The following MYO16 variants were observed in gnomAD, a reference collection of about 807,000 sequenced individuals.
The protein encoded by MYO16 is unconventional myosin-XVI.
Under a neutral mutation model 205.3 loss-of-function variants are expected in MYO16, and 94 were observed. The observed-to-expected ratio is 0.46, with a 90% CI of 0.39 to 0.54. MYO16 has a LOEUF of 0.54. Ranked by LOEUF, MYO16 falls within the 20% of genes least tolerant of loss-of-function variation. MYO16 has a pLI of 0.00. For synonymous variants in MYO16, 988 were observed against 954.0 expected (o/e 1.04, Z -0.66); for missense variants, 2,315 against 2,387.5 (o/e 0.97, Z 0.63).
At chr13:108,534,210 C>G in the MYO16 span, among the ~76,000 whole-genome samples, 7 of 152,208 alleles carry the variant, frequency 4.6e-5, no homozygotes, top group East Asian at 1.4e-3. Flanking sequence ...CAGAAGAAAG[C>G]CTTCAAACAA....
upstream of MYO16, among the ~76,000 whole-genome samples, chr13:108,595,660 A>G (rs989127481): frequency 3.9e-5 from 6 of 152,074 alleles, no homozygotes; most frequent in South Asian, 2.1e-4. Context: ...GAAAGCAAGG[A>G]CTTGGCCCTA....
intron 23 of MYO16, among the ~76,000 whole-genome samples, chr13:109,029,184 G>T (rs532251984): frequency 7.5e-6 from 1 of 133,372 alleles, no homozygotes; most frequent in East Asian, 2.3e-4. Context: ...ACACAATCTC[G>T]GCTCACTGCA....
intron 23 of MYO16, among the ~76,000 whole-genome samples, chr13:109,023,454 T>C (rs1886194490): frequency 1.0e-5 from 1 of 99,578 alleles, no homozygotes; most frequent in Non-Finnish European, 1.7e-5. Flanking sequence ...GATATAAATA[T>C]ATATTTATAT....
chr13:109,024,096 T>C (rs770821293), intron 23 of MYO16, among the ~76,000 whole-genome samples: 2 of 148,070 alleles, frequency 1.4e-5, no homozygotes, highest in Non-Finnish European at 3.0e-5. Context: ...ACATAAACTA[T>C]AAAAATGTAT....
At chr13:109,183,232 A>T (rs902944008) in intron 34 of MYO16, among the ~76,000 whole-genome samples, 2 of 152,200 alleles carry the variant, frequency 1.3e-5, no homozygotes, top group Non-Finnish European at 2.9e-5. Context: ...GTGGGGGGGA[A>T]TGCTGACAGC....
At chr13:109,012,034 A>T (rs1885619527) in intron 22 of MYO16, among the ~76,000 whole-genome samples, 1 of 152,158 alleles carries the variant, frequency 6.6e-6, no homozygotes, top group Admixed American at 6.5e-5. Context: ...GTATCTACAC[A>T]TTTAAAAGCA....
chr13:108,939,733 C>G (rs1594411509), intron 16 of MYO16, among the ~76,000 whole-genome samples: 1 of 152,052 alleles, frequency 6.6e-6, no homozygotes, highest in Non-Finnish European at 1.5e-5. Flanking sequence ...AGAGTTTTAG[C>G]TATTAAACAG....
At chr13:108,749,791 G>A (rs368822477) in intron 4 of MYO16, among the ~76,000 whole-genome samples, 1 of 152,170 alleles carries the variant, frequency 6.6e-6, no homozygotes, top group Non-Finnish European at 1.5e-5. Flanking sequence ...ACACAAATGA[G>A]TTGAAAACTT....
At chr13:108,705,207 CTT>C in intron 2 of MYO16, among the ~76,000 whole-genome samples, 1 of 152,198 alleles carries the variant, frequency 6.6e-6, no homozygotes, top group East Asian at 1.9e-4. Flanking sequence ...TGAATCAACT[CTT>C]TGTCCAGCAT....
chr13:108,745,759 CTAT>C (rs1358089448), intron 4 of MYO16, among the ~76,000 whole-genome samples: 3 of 152,152 alleles, frequency 2.0e-5, no homozygotes, highest in Non-Finnish European at 1.5e-5. Flanking sequence ...TTTAAAAGAA[CTAT>C]TATTAATATA....
chr13:109,003,545 A>G (rs960816856), intron 21 of MYO16, among the ~76,000 whole-genome samples: 2 of 152,138 alleles, frequency 1.3e-5, no homozygotes, highest in Non-Finnish European at 2.9e-5. Flanking sequence ...CTGTTATCCA[A>G]AGTTTGGTAG....
chr13:108,957,836 A>G (rs1246910693), intron 17 of MYO16, 37 bp downstream of exon 17: 1 of 1,449,236 alleles, frequency 6.9e-7, no homozygotes, highest in Admixed American at 1.7e-5. Context: ...GAGAAAATCA[A>G]CCTTCTACTA....
At chr13:109,068,574 A>T (rs929449770) in intron 27 of MYO16, among the ~76,000 whole-genome samples, 1 of 149,502 alleles carries the variant, frequency 6.7e-6, no homozygotes, top group Non-Finnish European at 1.5e-5. Context: ...TTCTGGGACC[A>T]CTGATAAGCC....
chr13:108,913,786 C>A (rs2139243044), intron 16 of MYO16, among the ~76,000 whole-genome samples: 1 of 152,288 alleles, frequency 6.6e-6, no homozygotes, highest in East Asian at 1.9e-4. Context: ...GACTGAAAAC[C>A]CAACTTAGGT....
At chr13:108,632,166 G>A (rs1256697047) in intron 1 of MYO16, among the ~76,000 whole-genome samples, 3 of 150,290 alleles carry the variant, frequency 2.0e-5, no homozygotes, top group Non-Finnish European at 4.4e-5. Context: ...TTTAATGGTT[G>A]TTCCTGATGC....
At chr13:108,866,671 G>A (rs1878732127) in intron 12 of MYO16, among the ~76,000 whole-genome samples, 1 of 152,186 alleles carries the variant, frequency 6.6e-6, no homozygotes, top group African/African-American at 2.4e-5. Context: ...GACTTGCCAA[G>A]TGTAATTATG....
In MYO16 at chr13:109,159,773, G is replaced by A. The variant is rs1003599683; in HGVS notation, c.5165-5128G>A. ...GTGCAGCTGCCATGCCCTGCTGGACGCTGGAGAAGGAGAGAGAGGCTGGGA... is the reference window on the plus strand; with the variant it reads ...GTGCAGCTGCCATGCCCTGCTGGACACTGGAGAAGGAGAGAGAGGCTGGGA... On this transcript the variant is annotated intron_variant, in intron 32 of 34. Transcript: ENST00000457511. Among the ~76,000 whole-genome samples the A allele has an allele frequency of 5.9e-5, 9 of 152,346 alleles. No individual in the cohort carries two copies. In the East Asian group the frequency reaches 9.6e-4, roughly 16 times the overall value.
intron 33 of MYO16, among the ~76,000 whole-genome samples, chr13:109,169,185 A>G (rs1291260264): frequency 6.6e-6 from 1 of 152,236 alleles, no homozygotes; most frequent in Non-Finnish European, 1.5e-5. Flanking sequence ...CATCCATGTT[A>G]CTGCAAAAGA....
chr13:108,724,895 A>T (rs935871726), intron 3 of MYO16, among the ~76,000 whole-genome samples: 2 of 10,336 alleles, frequency 1.9e-4, no homozygotes. Context: ...TAAATGAAAA[A>T]ATATATATAA....
Sources: gnomAD v4.1 joint callset for allele counts (sites outside exome capture counted in the v4.1 genomes callset) on GRCh38, gnomAD v4.1.1 for gene constraint, MANE v1.5 for transcripts, NCBI Gene and HGNC (gene_info 2026-07-23, HGNC 2026-07-21) for gene names.